FRYL: variants seen among roughly 807,000 people sequenced by gnomAD.
FRYL encodes the protein protein furry homolog-like.
Under a neutral mutation model 351.2 loss-of-function variants are expected in FRYL, and 150 were observed. The observed-to-expected ratio is 0.43, with a 90% CI of 0.37 to 0.49. The LOEUF is 0.49. Among genes scored for constraint, FRYL ranks in the 20% least tolerant of loss-of-function variants. The probability of loss-of-function intolerance (pLI) is 0.00; values close to 1 mark genes in which losing one functional copy is unlikely to be tolerated. For missense variants in FRYL, 3,036 were observed against 3,619.3 expected, an observed-to-expected ratio of 0.84 and a Z score of 4.13; for synonymous variants, 1,153 against 1,257.1, an observed-to-expected ratio of 0.92 and a Z score of 1.75.
rs777063050 is a variant in FRYL at position 48,582,575 on chromosome 4, A to G, written c.1908T>C (p.Asn636=). 8 of 1,613,986 alleles carry G rather than the reference A, an allele frequency of 5.0e-6. No individual in the cohort carries two copies. The African/African-American group carries it at 5.3e-5, about 11-fold the overall frequency. The change falls in exon 20 of 64, where the codon AAT becomes AAC. Residue 636 remains asparagine, a synonymous_variant. Coordinates refer to ENST00000358350, the MANE Select transcript of FRYL (RefSeq NM_015030.2). The stretch of plus-strand genomic sequence containing the variant: ...TTAATTGTACCAACATCTTTACGGC[A>G]TTATCAAGAAGTGTGGGATGGACAT... ...VTDVHPTLLD[N]AVKMLVQLIN...
At chr4:48,646,564 C>T (rs1756509113) in intron 3 of FRYL, among the ~76,000 whole-genome samples, 1 of 152,184 alleles carries the variant, frequency 6.6e-6, no homozygotes, top group South Asian at 2.1e-4. Context: ...CTGCAAAAGG[C>T]TAGCAAACTT....
At chr4:48,739,056 G>A (rs1316273705) in intron 1 of FRYL, among the ~76,000 whole-genome samples, 2 of 152,106 alleles carry the variant, frequency 1.3e-5, no homozygotes, top group African/African-American at 2.4e-5. Flanking sequence ...TGAAAGAACA[G>A]ATAAACAGAT....
At chr4:48,725,813 T>C (rs186830618) in intron 1 of FRYL, among the ~76,000 whole-genome samples, 1 of 152,240 alleles carries the variant, frequency 6.6e-6, no homozygotes. Context: ...TTATTAACTA[T>C]TGTTGTTAAT....
rs545775132 is a variant in FRYL at position 48,510,967 on chromosome 4, A to G, written c.8163T>C (p.Phe2721=). Residue 2721 remains phenylalanine (F), a synonymous_variant, in exon 58 of 64, where the codon TTT becomes TTC. Transcript: ENST00000358350. ...TGACTGCCTCATTAGTTATTTCTCC[A>G]AACTTTCTTTGAATTGTCTATGGAG... ...SRLFQTIQRK[F]GEITNEAVSF... is the part of the protein sequence containing the mutation. The G allele has an allele frequency of 2.5e-5, 41 of 1,611,810 alleles. No individual in the cohort carries two copies. The South Asian group carries it at 4.4e-4, about 17-fold the overall frequency.
At chr4:48,625,073 C>T (rs1480294302) in intron 4 of FRYL, among the ~76,000 whole-genome samples, 2 of 152,218 alleles carry the variant, frequency 1.3e-5, no homozygotes, top group South Asian at 2.1e-4. Flanking sequence ...TCTTGGGTCC[C>T]CTGCTTTCTG....
At chr4:48,711,726 A>G (rs1768067410) in intron 1 of FRYL, among the ~76,000 whole-genome samples, 1 of 152,184 alleles carries the variant, frequency 6.6e-6, no homozygotes, top group Non-Finnish European at 1.5e-5. Flanking sequence ...TTCTCCCAGC[A>G]TGCAGCTGGA....
chr4:48,558,469 T>C (rs1309712282), intron 33 of FRYL, among the ~76,000 whole-genome samples: 1 of 152,204 alleles, frequency 6.6e-6, no homozygotes, highest in Non-Finnish European at 1.5e-5. Flanking sequence ...TTAGTGGGTA[T>C]AGACTTTTCA....
intron 34 of FRYL, 137 bp from the exon 35 acceptor site, chr4:48,557,255 T>A: frequency 8.1e-7 from 1 of 1,230,070 alleles, no homozygotes; most frequent in Non-Finnish European, 1.1e-6. Flanking sequence ...AAACAATAAT[T>A]TCTTCCAACA....
Position 48,592,374 on chromosome 4 carries a change from T to TGAAAAGAAAATACAGATCCAA in FRYL, c.1335+1535_1336-1545dup, listed in dbSNP as rs1291291796. On this transcript the variant is annotated intron_variant, in intron 16 of 63. Coordinates refer to ENST00000358350, the MANE Select transcript of FRYL (RefSeq NM_015030.2). ...CTACATGAGCTCTTACAAAAGTCCT[T>TGAAAAGAAAATACAGATCCAA]GAAAAGAAAATACAGATCCAAGAAA... Among the ~76,000 whole-genome samples the TGAAAAGAAAATACAGATCCAA allele has an allele frequency of 7.2e-5, 11 of 151,978 alleles. No individual in the cohort carries two copies. The East Asian group carries it at 1.9e-3, about 27-fold the overall frequency.
intron 2 of FRYL, among the ~76,000 whole-genome samples, chr4:48,697,090 G>A (rs557317750): frequency 3.6e-4 from 55 of 152,164 alleles, no homozygotes; most frequent in African/African-American, 1.3e-3. Flanking sequence ...AAGCTACATC[G>A]AAGACTTGGA....
In FRYL at chr4:48,517,686, G is replaced by A. The variant is rs1577902278; in HGVS notation, c.7690-2411C>T. On this transcript the variant is annotated intron_variant, in intron 55 of 63. Transcript: ENST00000358350. ...CTTAATCCCCTCTTGAGATCAGAGT[G>A]TAACGTGTGTATATTACAGAGAAGA... Among the ~76,000 whole-genome samples, 4 of 152,202 alleles carry A rather than the reference G, an allele frequency of 2.6e-5. No homozygotes were observed. The East Asian group carries it at 5.8e-4, about 22-fold the overall frequency.
At position 48,628,963 on chromosome 4, in the gene FRYL, C is replaced by G. The variant is rs1476738046; in HGVS notation, c.120+5328G>C. Reference sequence around the variant, plus strand: ...TGTTTTTATTATATAATCTTTAAAACTATTTCTACTTTTTATAGTCTTATT... The same window carrying G: ...TGTTTTTATTATATAATCTTTAAAAGTATTTCTACTTTTTATAGTCTTATT... On this transcript the variant is annotated intron_variant, in intron 4 of 63. Transcript: ENST00000358350. 1.0e-4 allele frequency among the ~76,000 whole-genome samples: 15 copies of G among 150,730 alleles called. No individual in the cohort carries two copies. In the East Asian group the frequency reaches 2.9e-3, roughly 29 times the overall value.
At chr4:48,619,661 T>C (rs1446844823) in intron 6 of FRYL, among the ~76,000 whole-genome samples, 1 of 152,024 alleles carries the variant, frequency 6.6e-6, no homozygotes, top group African/African-American at 2.4e-5. Context: ...AGCGCCACCA[T>C]GCCCAGCTAA....
chr4:48,510,644 G>T (rs920005821), intron 58 of FRYL, among the ~76,000 whole-genome samples, 191 bp downstream of exon 58: 1 of 152,076 alleles, frequency 6.6e-6, no homozygotes, highest in Non-Finnish European at 1.5e-5. Context: ...GGGCATGAAG[G>T]AGTCAGAATC....
chr4:48,524,443 C>T (rs1320570012), intron 53 of FRYL, among the ~76,000 whole-genome samples: 4 of 152,094 alleles, frequency 2.6e-5, no homozygotes, highest in Non-Finnish European at 5.9e-5. Context: ...GGCAACAGCA[C>T]TCAATATATA....
rs534367047 is a variant in FRYL, at chr4:48,562,057, T to A, written c.3697-421A>T. Among the ~76,000 whole-genome samples, 60 of 152,206 alleles carry A rather than the reference T, an allele frequency of 3.9e-4. 1 individual carries two copies. The highest frequency in any genetic ancestry group is 6.2e-4 in the South Asian group (3 of 4,816). ...AAAACAAACAAAAACTCTTTCTCACTAAAAGAATTTACATTCCTCGTATTT... is the reference window on the plus strand; with the variant it reads ...AAAACAAACAAAAACTCTTTCTCACAAAAAGAATTTACATTCCTCGTATTT... On this transcript the variant is annotated intron_variant, in intron 32 of 63. Coordinates refer to ENST00000358350, the MANE Select transcript of FRYL (RefSeq NM_015030.2).
rs1392528779 is a variant in FRYL at position 48,540,973 on chromosome 4, A to G, written c.5688-13T>C. 2 of 1,531,994 alleles carry G rather than the reference A, an allele frequency of 1.3e-6. No homozygotes were observed. Among genetic ancestry groups the G allele is most frequent in the African/African-American group, 2.8e-5 (2 of 72,128 alleles). 94.9% of individuals were successfully genotyped at this position (1,531,994 alleles called of 1,614,324 possible). Reference sequence around the variant, plus strand: ...ATGATATGAGGTTCTTAAAAAAAAGAAAGAATAGATGAATGCATACCCAGT... The same window carrying G: ...ATGATATGAGGTTCTTAAAAAAAAGGAAGAATAGATGAATGCATACCCAGT... On this transcript the variant is annotated splice_polypyrimidine_tract_variant and intron_variant, in intron 45 of 63. Transcript: ENST00000358350.
chr4:48,665,412 TAGAG>T (rs1345555704), intron 3 of FRYL, among the ~76,000 whole-genome samples: 2 of 152,194 alleles, frequency 1.3e-5, no homozygotes, highest in Non-Finnish European at 2.9e-5. Context: ...TCCTTTGAAA[TAGAG>T]ATAGAAATAT....
intron 1 of FRYL, among the ~76,000 whole-genome samples, chr4:48,773,264 G>T (rs145446011): frequency 6.6e-6 from 1 of 152,104 alleles, no homozygotes; most frequent in Non-Finnish European, 1.5e-5. Flanking sequence ...AAATATCTGT[G>T]ATCATAGTGA....
Sources: allele counts gnomAD v4.1 joint callset (sites outside exome capture counted in the v4.1 genomes callset), GRCh38; gene constraint gnomAD v4.1.1; transcripts MANE v1.5; gene names NCBI Gene and HGNC (gene_info 2026-07-23, HGNC 2026-07-21).